CLINT1: variants seen among roughly 807,000 people sequenced by gnomAD.
CLINT1 encodes the protein clathrin interactor 1, also known as clathrin interacting protein localized in the trans-Golgi region.
In CLINT1, 15 loss-of-function variants were observed where a neutral mutation model predicts 70.4. The ratio of observed to expected loss-of-function variants is 0.21; its 90% CI spans 0.14 to 0.33. The LOEUF is 0.33. CLINT1 is among the 10% of genes least tolerant of loss of function. CLINT1 has a pLI of 1.00. For missense variants in CLINT1, 615 were observed against 778.1 expected, an observed-to-expected ratio of 0.79 and a Z score of 2.49; for synonymous variants, 227 against 254.7, an observed-to-expected ratio of 0.89 and a Z score of 1.04.
intron 8 of CLINT1, 173 bp from the exon 9 acceptor site, chr5:157,795,145 G>A: frequency 1.6e-6 from 1 of 612,782 alleles, no homozygotes. Context: ...TTCCCTATGA[G>A]CTACCATAGA....
In CLINT1 at chr5:157,814,291, C is replaced by T. The variant is rs376898316; in HGVS notation, c.246G>A (p.Ser82=). ...NKKNWRRVYK[S]LLLLAYLIRN... ...TTATGAGGTAAGCTAGGAGCAGCAA[C>T]GACTGCAAAAATACAAAGCAATAAA... Residue 82 remains serine, a splice_region_variant and synonymous_variant, in exon 4 of 12, where the codon TCG becomes TCA. Coordinates refer to ENST00000411809, the MANE Select transcript of CLINT1 (RefSeq NM_014666.4). The T allele has an allele frequency of 4.9e-5, 78 of 1,599,874 alleles. 1 individual carries two copies. In the Middle Eastern group the frequency reaches 8.5e-4, roughly 17 times the overall value.
intron 11 of CLINT1, among the ~76,000 whole-genome samples, chr5:157,788,589 T>C (rs1359339351): frequency 2.0e-5 from 3 of 152,232 alleles, no homozygotes; most frequent in Admixed American, 2.0e-4. Flanking sequence ...AAGAATATTA[T>C]TCAACACAGG....
At chr5:157,817,042 C>T (rs1460575101) in intron 2 of CLINT1, among the ~76,000 whole-genome samples, 1 of 152,120 alleles carries the variant, frequency 6.6e-6, no homozygotes, top group Admixed American at 6.5e-5. Flanking sequence ...TTAATCAATA[C>T]TTTGCAATTA....
intron 1 of CLINT1, among the ~76,000 whole-genome samples, chr5:157,838,570 C>T (rs1763512768): frequency 1.3e-5 from 2 of 152,164 alleles, no homozygotes; most frequent in African/African-American, 4.8e-5. Flanking sequence ...GGATAGTTTA[C>T]ACTTCTATTT....
chr5:157,816,183 T>C (rs562971080), intron 3 of CLINT1, among the ~76,000 whole-genome samples: 1 of 152,264 alleles, frequency 6.6e-6, no homozygotes, highest in African/African-American at 2.4e-5. Context: ...AAGAAAAACA[T>C]TCTGAAGAAG....
intron 1 of CLINT1, among the ~76,000 whole-genome samples, chr5:157,854,715 C>G (rs1412164394): frequency 6.6e-5 from 10 of 152,078 alleles, no homozygotes; most frequent in Non-Finnish European, 1.3e-4. Context: ...GAACTAAAAC[C>G]AAGCAAATAT....
chr5:157,846,430 A>G (rs1202048362), intron 1 of CLINT1, among the ~76,000 whole-genome samples: 2 of 152,334 alleles, frequency 1.3e-5, no homozygotes, highest in East Asian at 3.9e-4. Context: ...CCCTAACTCT[A>G]TACAGTTCTA....
At chr5:157,796,938 C>A (rs1037928650) in intron 8 of CLINT1, among the ~76,000 whole-genome samples, 1 of 151,048 alleles carries the variant, frequency 6.6e-6, no homozygotes, top group Admixed American at 6.6e-5. Flanking sequence ...TAATGCCAAC[C>A]AAAGTGAAGG....
chr5:157,819,368 A>C (rs926420747), intron 1 of CLINT1, among the ~76,000 whole-genome samples: 33 of 152,168 alleles, frequency 2.2e-4, no homozygotes, highest in African/African-American at 8.0e-4. Context: ...AAATAAATAT[A>C]AATTCCTTCC....
intron 1 of CLINT1, among the ~76,000 whole-genome samples, chr5:157,841,524 C>T (rs1753179052): frequency 6.6e-6 from 1 of 150,756 alleles, no homozygotes; most frequent in South Asian, 2.1e-4. Context: ...CCAAGATGTA[C>T]CACTGCATTG....
chr5:157,820,936 G>A lies in CLINT1; in HGVS notation c.42-3389C>T, dbSNP rs571022851. Among the ~76,000 whole-genome samples, 103 of 152,130 alleles carry A rather than the reference G, an allele frequency of 6.8e-4. No individual in the cohort carries two copies. In the Middle Eastern group the frequency reaches 0.014, roughly 20 times the overall value. On this transcript the variant is annotated intron_variant, in intron 1 of 11. Transcript: ENST00000411809. ...AAACAAAATTACAGAAAAAGACACC[G>A]CCCCTCCCCAATAAATTTCATACCA...
intron 1 of CLINT1, among the ~76,000 whole-genome samples, chr5:157,830,747 C>CCTCTCT (rs755254561): frequency 1.1e-5 from 1 of 91,332 alleles, no homozygotes; most frequent in African/African-American, 4.1e-5. Flanking sequence ...CCTGCCCCTC[C>CCTCTCT]CTCTCTCTCC....
At chr5:157,792,463 G>A (rs775476737) in intron 9 of CLINT1, among the ~76,000 whole-genome samples, 2 of 152,160 alleles carry the variant, frequency 1.3e-5, no homozygotes, top group Admixed American at 6.5e-5. Flanking sequence ...CACAAGAATC[G>A]CTTGAACCCG....
At chr5:157,816,890 G>T in intron 2 of CLINT1, 60 bp from the exon 3 acceptor site, 2 of 1,218,108 alleles carry the variant, frequency 1.6e-6, no homozygotes, top group Non-Finnish European at 1.2e-6. Flanking sequence ...GTAGATGGCA[G>T]ACTTGTTCTA....
chr5:157,794,015 A>G (rs1761994294), intron 9 of CLINT1, among the ~76,000 whole-genome samples: 1 of 152,112 alleles, frequency 6.6e-6, no homozygotes, highest in African/African-American at 2.4e-5. Flanking sequence ...CTCAAACTTC[A>G]GACTGACCAG....
intron 1 of CLINT1, among the ~76,000 whole-genome samples, chr5:157,856,175 A>C (rs1369044968): frequency 6.6e-6 from 1 of 152,160 alleles, no homozygotes; most frequent in Admixed American, 6.5e-5. Context: ...TTTTCAGCCT[A>C]AATTGTCTAC....
intron 1 of CLINT1, among the ~76,000 whole-genome samples, chr5:157,855,172 G>A: frequency 1.7e-5 from 1 of 57,812 alleles, no homozygotes; most frequent in African/African-American, 7.8e-5. Context: ...GGGGGGGCGG[G>A]TCACTGATGA....
chr5:157,792,412 G>T (rs1285751092), intron 9 of CLINT1, among the ~76,000 whole-genome samples: 2 of 152,162 alleles, frequency 1.3e-5, no homozygotes, highest in African/African-American at 4.8e-5. Flanking sequence ...GCTGGGTGTT[G>T]TGACACACAC....
chr5:157,841,713 G>A (rs755927607), intron 1 of CLINT1, among the ~76,000 whole-genome samples: 69 of 152,084 alleles, frequency 4.5e-4, no homozygotes, highest in African/African-American at 6.8e-4. Flanking sequence ...CTCCATCTGC[G>A]GAGCTCAAGC....
Sources: gnomAD v4.1 joint callset for allele counts (sites outside exome capture counted in the v4.1 genomes callset) on GRCh38, gnomAD v4.1.1 for gene constraint, MANE v1.5 for transcripts, NCBI Gene and HGNC (gene_info 2026-07-23, HGNC 2026-07-21) for gene names.